Variants in PHIP observed in about 807,000 individuals in gnomAD.
PHIP encodes PHIP subunit of CUL4-Ring ligase complex, also known as PH-interacting protein.
Under a neutral mutation model 236.8 loss-of-function variants are expected in PHIP, and 54 were observed. The observed-to-expected ratio is 0.23, with a 90% CI of 0.18 to 0.29. PHIP has a LOEUF of 0.29. PHIP is among the 10% of genes least tolerant of loss of function. PHIP has a pLI of 1.00. For missense variants in PHIP, 1,370 were observed against 2,190.8 expected, an observed-to-expected ratio of 0.63 and a Z score of 7.48; for synonymous variants, 756 against 718.9, an observed-to-expected ratio of 1.05 and a Z score of -0.83.
intron 7 of PHIP, among the ~76,000 whole-genome samples, chr6:79,039,371 G>T (rs1275581018): frequency 6.6e-6 from 1 of 151,944 alleles, no homozygotes; most frequent in African/African-American, 2.4e-5. Flanking sequence ...TATCCAATTC[G>T]ACTCCTAAAT....
At chr6:78,952,429 A>AAAAAAAAAAAAGAAAAAAAAAAAGG (rs1562119885) in intron 35 of PHIP, among the ~76,000 whole-genome samples, 4 of 132,812 alleles carry the variant, frequency 3.0e-5, no homozygotes, top group Non-Finnish European at 6.6e-5. Context: ...AAAAAAAAAG[A>AAAAAAAAAAAAGAAAAAAAAAAAGG]AAAAAAAAAA....
chr6:78,966,737 A>C (rs923050289), intron 27 of PHIP, among the ~76,000 whole-genome samples: 1 of 152,188 alleles, frequency 6.6e-6, no homozygotes, highest in South Asian at 2.1e-4. Flanking sequence ...TTTCTTATCT[A>C]AATATTCTCA....
chr6:79,050,730 C>A (rs180902211), intron 6 of PHIP, among the ~76,000 whole-genome samples: 1 of 151,956 alleles, frequency 6.6e-6, no homozygotes, highest in East Asian at 1.9e-4. Flanking sequence ...CAAAAATAAA[C>A]CTAGAGATAA....
At chr6:79,025,472 T>C (rs201636776) in intron 9 of PHIP, 47 bp downstream of exon 9, 1 of 1,096,764 alleles carries the variant, frequency 9.1e-7, no homozygotes, top group East Asian at 2.4e-5. Context: ...GCAATTTCAC[T>C]CATTAAACTA....
intron 17 of PHIP, among the ~76,000 whole-genome samples, chr6:79,001,424 C>T (rs1289345931): frequency 2.0e-5 from 3 of 152,124 alleles, no homozygotes; most frequent in African/African-American, 7.2e-5. Flanking sequence ...ATCTCTCTCA[C>T]ATCATGCTAT....
chr6:79,026,467 TAAA>T (rs11326550), intron 7 of PHIP, among the ~76,000 whole-genome samples: 2 of 149,078 alleles, frequency 1.3e-5, no homozygotes, highest in African/African-American at 4.9e-5. Flanking sequence ...ACTTCTGAAA[TAAA>T]AAAAAAAAAA....
chr6:78,947,085 GT>G (rs1773861725), intron 36 of PHIP, among the ~76,000 whole-genome samples: 1 of 152,118 alleles, frequency 6.6e-6, no homozygotes, highest in South Asian at 2.1e-4. Flanking sequence ...AATCTTCCAA[GT>G]TTTGAGATTC....
chr6:79,025,009 C>T (rs2050660), intron 9 of PHIP, among the ~76,000 whole-genome samples: 69,057 of 151,716 alleles, frequency 0.46, 16,303 homozygotes, highest in East Asian at 0.69. Flanking sequence ...TATGGGCGAC[C>T]GCACAAATGC....
At chr6:78,957,149 AAGT>A in intron 32 of PHIP, 1 of 152,216 alleles carries the variant, frequency 6.6e-6, no homozygotes, top group Admixed American at 6.5e-5. Flanking sequence ...AGACATTTCA[AAGT>A]AGCCGTTTGA....
chr6:78,987,460 A>G (rs1217650244), intron 21 of PHIP, among the ~76,000 whole-genome samples: 1 of 152,138 alleles, frequency 6.6e-6, no homozygotes, highest in Non-Finnish European at 1.5e-5. Flanking sequence ...TCAGTTTGAG[A>G]GTTAATGTTG....
intron 6 of PHIP, among the ~76,000 whole-genome samples, chr6:79,057,152 C>A (rs1430974478): frequency 6.6e-6 from 1 of 152,070 alleles, no homozygotes; most frequent in Non-Finnish European, 1.5e-5. Context: ...AGAGGTCCAA[C>A]AGTTTCCATA....
Position 78,971,004 on chromosome 6 carries a change from C to G in PHIP, c.2890-116G>C. ...AATGCCTTTTCAGCTAATAGAAATT[C>G]TAATATTTTCTCCCTCCTCCTTTCT... On this transcript the variant is annotated intron_variant, in intron 24 of 39. Transcript: ENST00000275034. 3 of 661,292 alleles carry G rather than the reference C, an allele frequency of 4.5e-6. No individual in the cohort carries two copies. The South Asian group carries it at 5.8e-5, about 13-fold the overall frequency. 41.0% of individuals were successfully genotyped at this position (661,292 alleles called of 1,614,324 possible). A position where few individuals can be genotyped will look rare whatever the true frequency, so the allele number is the denominator to read the frequency against.
Position 78,945,408 on chromosome 6 carries a change from AATT to A in PHIP, c.4717_4719del (p.Asn1573del). On this transcript the variant is annotated inframe_deletion, in exon 39 of 40. Coordinates refer to ENST00000275034, the MANE Select transcript of PHIP (RefSeq NM_017934.7). ...TCCTTTTCCATGTTTTCTTTTGCAG[AATT>A]ATTCCTAGTGCCATGACTAAAACTG... 2 of 1,612,324 alleles carry A rather than the reference AATT, an allele frequency of 1.2e-6. No homozygotes were observed. Among genetic ancestry groups the A allele is most frequent in the Non-Finnish European group, 1.7e-6 (2 of 1,178,446 alleles).
intron 15 of PHIP, among the ~76,000 whole-genome samples, chr6:79,005,827 G>A (rs1770260736): frequency 6.6e-6 from 1 of 151,970 alleles, no homozygotes; most frequent in Non-Finnish European, 1.5e-5. Context: ...GGTGAGGGTT[G>A]CGGGGCAAGT....
In PHIP at chr6:78,941,257, A is replaced by C; in HGVS notation, c.4902T>G (p.Leu1634=). ...VNGHGGQPSK[L]VKRGPGRKPK... is the part of the protein sequence containing the mutation. ...GTTTCCTTCCAGGTCCCCTCTTCAC[A>C]AGTTTTGATGGCTGTCCTCCATGGC... Residue 1634 remains leucine, a synonymous_variant, in exon 40 of 40, where the codon CTT becomes CTG. Coordinates refer to ENST00000275034, the MANE Select transcript of PHIP (RefSeq NM_017934.7). The C allele has an allele frequency of 6.2e-7, 1 of 1,613,570 alleles. No individual in the cohort carries two copies. Among genetic ancestry groups the C allele is most frequent in the Non-Finnish European group, 8.5e-7 (1 of 1,179,606 alleles).
At chr6:78,968,873 T>C (rs189733034) in intron 27 of PHIP, among the ~76,000 whole-genome samples, 7 of 152,328 alleles carry the variant, frequency 4.6e-5, no homozygotes, top group Non-Finnish European at 7.3e-5. Flanking sequence ...AGATAAGTTA[T>C]GTGTTCCAAT....
chr6:78,954,334 C>A (rs984731394), intron 35 of PHIP, among the ~76,000 whole-genome samples: 19 of 151,944 alleles, frequency 1.3e-4, no homozygotes, highest in African/African-American at 3.9e-4. Flanking sequence ...TCTCGATCTC[C>A]TGACCTCGTG....
chr6:78,984,158 C>T (rs1206923198), intron 22 of PHIP, among the ~76,000 whole-genome samples: 2 of 152,056 alleles, frequency 1.3e-5, no homozygotes, highest in Non-Finnish European at 2.9e-5. Context: ...CTCCACTGTC[C>T]AAATGTTCTT....
At chr6:79,069,298 C>T (rs1273355865) in intron 4 of PHIP, among the ~76,000 whole-genome samples, 1 of 151,218 alleles carries the variant, frequency 6.6e-6, no homozygotes, top group East Asian at 1.9e-4. Flanking sequence ...AACATCCAAG[C>T]TTACAATTAT....
Sources: allele counts gnomAD v4.1 joint callset (sites outside exome capture counted in the v4.1 genomes callset), GRCh38; gene constraint gnomAD v4.1.1; transcripts MANE v1.5; gene names NCBI Gene and HGNC (gene_info 2026-07-23, HGNC 2026-07-21).